PTPRG: variants seen among roughly 807,000 people sequenced by gnomAD.
PTPRG encodes the protein protein tyrosine phosphatase receptor type G.
PTPRG carries 102 observed loss-of-function variants against 165.3 expected under a neutral mutation model. That is an observed-to-expected ratio of 0.62 (90% CI 0.53 to 0.73). PTPRG has a LOEUF of 0.73. Among genes scored for constraint, PTPRG ranks in the 30% least tolerant of loss-of-function variants. The pLI is 0.00. For synonymous variants in PTPRG, 675 were observed against 669.5 expected, an observed-to-expected ratio of 1.01 and a Z score of -0.13; for missense variants, 1,866 against 1,861.4, an observed-to-expected ratio of 1.00 and a Z score of -0.05.
chr3:61,874,272 C>T (rs1241416321), intron 2 of PTPRG, among the ~76,000 whole-genome samples: 1 of 152,170 alleles, frequency 6.6e-6, no homozygotes, highest in Non-Finnish European at 1.5e-5. Context: ...TTTGCTGGAT[C>T]CCCTCAACCT....
chr3:61,975,430 T>A (rs1277784640), intron 2 of PTPRG, among the ~76,000 whole-genome samples: 1 of 152,218 alleles, frequency 6.6e-6, no homozygotes, highest in South Asian at 2.1e-4. Context: ...CAAAACAGTT[T>A]CCTTGACCTC....
intron 1 of PTPRG, among the ~76,000 whole-genome samples, chr3:61,601,955 C>G (rs1398970374): frequency 6.6e-6 from 1 of 152,204 alleles, no homozygotes; most frequent in East Asian, 1.9e-4. Flanking sequence ...TTGAACCTTA[C>G]AACAACGCTG....
intron 16 of PTPRG, among the ~76,000 whole-genome samples, chr3:62,260,393 G>A (rs1028995045): frequency 6.6e-6 from 1 of 152,102 alleles, no homozygotes; most frequent in Non-Finnish European, 1.5e-5. Flanking sequence ...ATAGCCTCTT[G>A]CATCAATGAC....
chr3:62,123,245 T>C (rs1576030489), intron 5 of PTPRG, among the ~76,000 whole-genome samples: 1 of 152,162 alleles, frequency 6.6e-6, no homozygotes, highest in African/African-American at 2.4e-5. Flanking sequence ...AAGGGCTATT[T>C]GACTGAGGAG....
At chr3:61,998,152 T>G (rs1249515095) in intron 3 of PTPRG, among the ~76,000 whole-genome samples, 1 of 152,220 alleles carries the variant, frequency 6.6e-6, no homozygotes, top group Non-Finnish European at 1.5e-5. Context: ...GGGGATGTCC[T>G]GCAAAGAATG....
chr3:62,095,554 C>A (rs995747404), intron 5 of PTPRG, among the ~76,000 whole-genome samples: 1 of 152,230 alleles, frequency 6.6e-6, no homozygotes, highest in African/African-American at 2.4e-5. Context: ...GTATGCCAAG[C>A]ACTGTGCTAG....
intron 4 of PTPRG, among the ~76,000 whole-genome samples, chr3:62,063,575 T>A (rs1430929308): frequency 2.0e-5 from 3 of 152,222 alleles, no homozygotes; most frequent in Non-Finnish European, 4.4e-5. Flanking sequence ...GGGAAATTAT[T>A]AGTCTAAATA....
chr3:62,044,274 C>G (rs1306447769), intron 4 of PTPRG, among the ~76,000 whole-genome samples: 2 of 152,228 alleles, frequency 1.3e-5, no homozygotes, highest in Non-Finnish European at 2.9e-5. Context: ...TGTGGTGGCT[C>G]ACGCCTGTAA....
At chr3:62,238,651 C>T (rs1026559569) in intron 14 of PTPRG, among the ~76,000 whole-genome samples, 2 of 152,058 alleles carry the variant, frequency 1.3e-5, no homozygotes, top group African/African-American at 4.8e-5. Context: ...CCACCCTGCA[C>T]CTGCTCTGTT....
intron 4 of PTPRG, among the ~76,000 whole-genome samples, chr3:62,016,254 G>A (rs983039375): frequency 1.9e-4 from 29 of 152,162 alleles, no homozygotes; most frequent in African/African-American, 6.0e-4. Flanking sequence ...TGCAACCTCC[G>A]CCTCCCAGGT....
chr3:61,938,406 T>C (rs886658397), intron 2 of PTPRG, among the ~76,000 whole-genome samples: 2 of 152,218 alleles, frequency 1.3e-5, no homozygotes, highest in African/African-American at 4.8e-5. Context: ...AAAGGACTTT[T>C]GCTATGCCTC....
intron 2 of PTPRG, among the ~76,000 whole-genome samples, chr3:61,904,400 T>G (rs2038588393): frequency 6.6e-6 from 1 of 152,186 alleles, no homozygotes; most frequent in African/African-American, 2.4e-5. Context: ...GTGCTGTGTT[T>G]TTATGTCATT....
intron 2 of PTPRG, among the ~76,000 whole-genome samples, chr3:61,988,734 C>A (rs959477201): frequency 5.3e-5 from 8 of 152,122 alleles, no homozygotes; most frequent in Admixed American, 1.3e-4. Context: ...TTTCAGCAGG[C>A]TACTCCCGCT....
intron 2 of PTPRG, among the ~76,000 whole-genome samples, chr3:61,941,583 T>C (rs1422399335): frequency 6.6e-6 from 1 of 152,058 alleles, no homozygotes; most frequent in Non-Finnish European, 1.5e-5. Context: ...AGAGCGCCAC[T>C]GCACTCCAGC....
rs569010528 is a variant in PTPRG at position 61,764,468 on chromosome 3, T to C, written c.190+15486T>C. ...TGGTGGAGGTGGACAGAGCAGCATA[T>C]ACAAAGTAACATGTAGTATCATCAC... On this transcript the variant is annotated intron_variant, in intron 2 of 29. Transcript: ENST00000474889. Among the ~76,000 whole-genome samples the C allele has an allele frequency of 3.3e-5, 5 of 152,292 alleles. No individual in the cohort carries two copies. The East Asian group carries it at 7.7e-4, about 24-fold the overall frequency.
At chr3:61,660,564 C>A (rs1012333184) in intron 1 of PTPRG, among the ~76,000 whole-genome samples, 1 of 152,134 alleles carries the variant, frequency 6.6e-6, no homozygotes, top group Non-Finnish European at 1.5e-5. Context: ...CTTCCCTGAG[C>A]CTCAGTTTCT....
chr3:61,907,039 A>G (rs2107532022), intron 2 of PTPRG, among the ~76,000 whole-genome samples: 1 of 152,258 alleles, frequency 6.6e-6, no homozygotes, highest in Admixed American at 6.5e-5. Flanking sequence ...TAAAACACAC[A>G]ATGTTTGAAA....
chr3:62,129,771 A>G (rs534707910), intron 5 of PTPRG, among the ~76,000 whole-genome samples: 3 of 152,190 alleles, frequency 2.0e-5, no homozygotes. Context: ...TGACTATAAA[A>G]TATTCCCTCT....
intron 6 of PTPRG, among the ~76,000 whole-genome samples, chr3:62,155,781 C>T (rs1323233897): frequency 6.6e-6 from 1 of 152,060 alleles, no homozygotes; most frequent in Non-Finnish European, 1.5e-5. Context: ...AATTTCTGTA[C>T]TAGTTGTTCT....
Sources: gnomAD v4.1 joint callset for allele counts (sites outside exome capture counted in the v4.1 genomes callset) on GRCh38, gnomAD v4.1.1 for gene constraint, MANE v1.5 for transcripts, NCBI Gene and HGNC (gene_info 2026-07-23, HGNC 2026-07-21) for gene names.